The following SRPK2 variants were observed in gnomAD, a reference collection of about 807,000 sequenced individuals.
SRPK2 encodes SRSF protein kinase 2, also known as SFRS protein kinase 2.
In SRPK2, 21 loss-of-function variants were observed where a neutral mutation model predicts 90.8. The observed-to-expected ratio is 0.23, with a 90% confidence interval of 0.16 to 0.33. The LOEUF is 0.33. Among genes scored for constraint, SRPK2 ranks in the 10% least tolerant of loss-of-function variants. The probability of loss-of-function intolerance (pLI) is 1.00; values close to 1 mark genes in which losing one functional copy is unlikely to be tolerated. For synonymous variants in SRPK2, 288 were observed against 311.1 expected (o/e 0.93, Z 0.78); for missense variants, 620 against 869.0 (o/e 0.71, Z 3.60).
intron 2 of SRPK2, chr7:105,297,303 C>T (rs1809951938): frequency 4.3e-6 from 1 of 234,110 alleles, no homozygotes; most frequent in Non-Finnish European, 7.0e-6. Context: ...AATAAATACA[C>T]TGAATGAAGT....
At chr7:105,250,339 T>TAAAC (rs58664882) in intron 2 of SRPK2, among the ~76,000 whole-genome samples, 5,107 of 151,190 alleles carry the variant, frequency 0.034, 279 homozygotes, top group African/African-American at 0.11. Flanking sequence ...AAACTCTGTC[T>TAAAC]AAACAAACAA....
intron 2 of SRPK2, chr7:105,268,999 G>C: frequency 7.2e-7 from 1 of 1,379,952 alleles, no homozygotes; most frequent in East Asian, 2.7e-5. Flanking sequence ...ACTTCTGTTA[G>C]GACTGGGATT....
At chr7:105,139,906 C>A (rs1785959139) in intron 11 of SRPK2, among the ~76,000 whole-genome samples, 3 of 151,812 alleles carry the variant, frequency 2.0e-5, no homozygotes, top group Admixed American at 2.0e-4. Flanking sequence ...AGGTGCCTCT[C>A]GGTGTCTGCA....
At chr7:105,170,021 A>C (rs1429278178) in intron 3 of SRPK2, among the ~76,000 whole-genome samples, 1 of 151,846 alleles carries the variant, frequency 6.6e-6, no homozygotes, top group African/African-American at 2.4e-5. Flanking sequence ...TCACCACATT[A>C]CCCAGGTTGG....
At chr7:105,245,285 C>A (rs1407356722) in intron 2 of SRPK2, among the ~76,000 whole-genome samples, 2 of 152,122 alleles carry the variant, frequency 1.3e-5, no homozygotes, top group Non-Finnish European at 2.9e-5. Flanking sequence ...GCAGGACCCT[C>A]TGCAGTGGGA....
At chr7:105,133,522 G>A (rs1178868432) in intron 11 of SRPK2, among the ~76,000 whole-genome samples, 1 of 152,128 alleles carries the variant, frequency 6.6e-6, no homozygotes, top group South Asian at 2.1e-4. Flanking sequence ...GAACACTGCT[G>A]TGGGGGCCGA....
At chr7:105,212,550 G>A (rs1796985079) in intron 2 of SRPK2, among the ~76,000 whole-genome samples, 1 of 152,136 alleles carries the variant, frequency 6.6e-6, no homozygotes. Flanking sequence ...GTTAGGCATA[G>A]GAATAATCCA....
intron 2 of SRPK2, among the ~76,000 whole-genome samples, chr7:105,362,565 G>A (rs4275153): frequency 0.055 from 8,314 of 151,638 alleles, 296 homozygotes; most frequent in Middle Eastern, 0.11. Context: ...TGGAGAGGAT[G>A]TGGAGAAATA....
intron 3 of SRPK2, 97 bp downstream of exon 3, chr7:105,203,531 T>C: frequency 7.5e-7 from 1 of 1,327,586 alleles, no homozygotes; most frequent in South Asian, 2.2e-5. Context: ...CCAAGCAATT[T>C]GCATCACTAC....
chr7:105,293,119 G>A (rs372773350), intron 2 of SRPK2, among the ~76,000 whole-genome samples: 21 of 152,034 alleles, frequency 1.4e-4, no homozygotes, highest in African/African-American at 4.3e-4. Flanking sequence ...CAAACATGGC[G>A]AAACCCCATC....
intron 3 of SRPK2, among the ~76,000 whole-genome samples, chr7:105,191,539 T>C (rs1003152169): frequency 2.0e-5 from 3 of 152,124 alleles, no homozygotes; most frequent in Non-Finnish European, 2.9e-5. Context: ...GCCTACGCAA[T>C]AGAATGAGAC....
At chr7:105,140,343 G>A (rs147058417) in intron 11 of SRPK2, among the ~76,000 whole-genome samples, 263 of 152,316 alleles carry the variant, frequency 1.7e-3, no homozygotes, top group African/African-American at 5.9e-3. Flanking sequence ...GCTCAGGCTC[G>A]TAATCCCAGC....
intron 2 of SRPK2, among the ~76,000 whole-genome samples, chr7:105,357,804 C>T (rs1817955532): frequency 1.3e-5 from 2 of 151,864 alleles, no homozygotes; most frequent in African/African-American, 2.4e-5. Context: ...ATAAATGAGG[C>T]TTTGGAGAAA....
At chr7:105,332,222 C>T (rs182046650) in intron 2 of SRPK2, among the ~76,000 whole-genome samples, 2 of 152,156 alleles carry the variant, frequency 1.3e-5, no homozygotes, top group East Asian at 1.9e-4. Flanking sequence ...CTAAACAAAA[C>T]GTGAAGCCAA....
intron 2 of SRPK2, among the ~76,000 whole-genome samples, chr7:105,303,648 A>G (rs1295631210): frequency 6.6e-6 from 1 of 152,132 alleles, no homozygotes; most frequent in Non-Finnish European, 1.5e-5. Flanking sequence ...AGCATTATAC[A>G]CTGAAAAAAA....
At chr7:105,352,444 A>G (rs1247282989) in intron 2 of SRPK2, among the ~76,000 whole-genome samples, 2 of 152,280 alleles carry the variant, frequency 1.3e-5, no homozygotes, top group African/African-American at 4.8e-5. Flanking sequence ...GCCTGGAAGC[A>G]GATCCTCCAG....
intron 2 of SRPK2, among the ~76,000 whole-genome samples, chr7:105,240,153 G>A (rs1800627638): frequency 6.6e-6 from 1 of 152,132 alleles, no homozygotes. Context: ...TCTGGTGAGG[G>A]CTGGTTTCCT....
intron 2 of SRPK2, chr7:105,244,993 T>G: frequency 1.0e-6 from 1 of 998,086 alleles, no homozygotes; most frequent in Non-Finnish European, 1.5e-6. Context: ...GCCCTCTCCC[T>G]GAAATAAAGA....
At chr7:105,282,578 G>A (rs779236956) in intron 2 of SRPK2, among the ~76,000 whole-genome samples, 11 of 152,142 alleles carry the variant, frequency 7.2e-5, no homozygotes, top group South Asian at 6.2e-4. Flanking sequence ...CAAGGTGGGC[G>A]GATCACTTGA....
Sources: allele counts gnomAD v4.1 joint callset (sites outside exome capture counted in the v4.1 genomes callset), GRCh38; gene constraint gnomAD v4.1.1; transcripts MANE v1.5; gene names NCBI Gene and HGNC (gene_info 2026-07-23, HGNC 2026-07-21).